Variants in INTS15 observed in about 807,000 individuals in gnomAD.
INTS15 encodes integrator complex subunit 15.
At chr7:6,596,221 A>G in the INTS15 span, among the ~76,000 whole-genome samples, 2 of 151,250 alleles carry the variant, frequency 1.3e-5, no homozygotes, top group South Asian at 4.2e-4. Context: ...ATGTCTGACT[A>G]ATTTTTGTAT....
At chr7:6,593,220 C>T in the INTS15 span, among the ~76,000 whole-genome samples, 4 of 152,076 alleles carry the variant, frequency 2.6e-5, no homozygotes, top group Non-Finnish European at 4.4e-5. Flanking sequence ...CTCTTTCCTT[C>T]TAGTGCAAGA....
At chr7:6,598,768 TGTGTGTGTGTGTGTGTGTA>T in the INTS15 span, among the ~76,000 whole-genome samples, 172 of 104,852 alleles carry the variant, frequency 1.6e-3, 1 homozygote, top group Middle Eastern at 9.3e-3. Flanking sequence ...TGTGTGTGTG[TGTGTGTGTGTGTGTGTGTA>T]TTTTTTTTTT....
chr7:6,591,797 G>T, the INTS15 span: 1 of 1,614,010 alleles, frequency 6.2e-7, no homozygotes. Flanking sequence ...AGCTTGTTGG[G>T]AAAACTGGTC....
the INTS15 span, chr7:6,590,619 C>T: frequency 8.7e-6 from 12 of 1,385,094 alleles, no homozygotes; most frequent in Non-Finnish European, 1.1e-5. Flanking sequence ...TGCAGCAGCC[C>T]CCAAACCCTT....
At chr7:6,605,005 T>G in the INTS15 span, among the ~76,000 whole-genome samples, 1 of 152,106 alleles carries the variant, frequency 6.6e-6, no homozygotes, top group Non-Finnish European at 1.5e-5. Context: ...TTTGTTTTGT[T>G]TTTTTGAGAC....
the INTS15 span, chr7:6,607,665 G>C: frequency 2.0e-6 from 3 of 1,507,964 alleles, no homozygotes; most frequent in Non-Finnish European, 2.7e-6. The surrounding 1 kb of genome is among the most constrained non-coding windows in gnomAD (Gnocchi z 6.0). Context: ...CAGCGCAGCA[G>C]AGAGCCGCAG....
At chr7:6,596,035 C>T in the INTS15 span, among the ~76,000 whole-genome samples, 1 of 141,992 alleles carries the variant, frequency 7.0e-6, no homozygotes, top group African/African-American at 2.7e-5. Context: ...AGCCTCCTGA[C>T]TATTTTTGAG....
chr7:6,602,213 C>T, the INTS15 span: 1 of 1,333,096 alleles, frequency 7.5e-7, no homozygotes, highest in South Asian at 1.3e-5. Context: ...CAGGGCGAGC[C>T]CCTTTGTCCT....
At chr7:6,599,892 G>A in the INTS15 span, 1 of 1,614,196 alleles carries the variant, frequency 6.2e-7, no homozygotes, top group Non-Finnish European at 8.5e-7. Context: ...GAGGACCCAA[G>A]GTTGATTCTC....
chr7:6,591,795 G>C, the INTS15 span: 3 of 1,614,132 alleles, frequency 1.9e-6, no homozygotes, highest in Non-Finnish European at 1.7e-6. Context: ...TGAGCTTGTT[G>C]GGAAAACTGG....
the INTS15 span, chr7:6,590,456 A>G: frequency 6.3e-7 from 1 of 1,594,056 alleles, no homozygotes; most frequent in Non-Finnish European, 8.5e-7. Flanking sequence ...GTGCCCAAGG[A>G]GCGCAGCGCG....
At chr7:6,593,170 C>T in the INTS15 span, among the ~76,000 whole-genome samples, 1 of 152,150 alleles carries the variant, frequency 6.6e-6, no homozygotes, top group Non-Finnish European at 1.5e-5. Context: ...GAACTGTCTT[C>T]GGCTTTGCGG....
the INTS15 span, chr7:6,600,376 A>C: frequency 1.1e-5 from 18 of 1,598,914 alleles, no homozygotes; most frequent in Admixed American, 1.7e-5. Context: ...TCCCTGGCCC[A>C]GGCCTCCTGG....
chr7:6,603,231 C>T, the INTS15 span, among the ~76,000 whole-genome samples: 22 of 151,126 alleles, frequency 1.5e-4, no homozygotes, highest in Non-Finnish European at 2.2e-4. Flanking sequence ...GCTTGGGCAA[C>T]AGAGTGAAAC....
chr7:6,597,462 T>C, the INTS15 span, among the ~76,000 whole-genome samples: 9 of 152,118 alleles, frequency 5.9e-5, no homozygotes, highest in Admixed American at 5.9e-4. Flanking sequence ...GCCTGGCTAA[T>C]TTTTGTATTT....
chr7:6,593,175 T>C, the INTS15 span, among the ~76,000 whole-genome samples: 6 of 152,278 alleles, frequency 3.9e-5, no homozygotes, highest in African/African-American at 1.4e-4. Context: ...GTCTTCGGCT[T>C]TGCGGGTCCT....
the INTS15 span, chr7:6,590,177 C>A: frequency 9.9e-7 from 1 of 1,013,492 alleles, no homozygotes; most frequent in Non-Finnish European, 1.3e-6. Context: ...GCGGGTGCCG[C>A]AGCCCAGGCC....
the INTS15 span, among the ~76,000 whole-genome samples, chr7:6,595,837 C>G: frequency 6.6e-6 from 1 of 152,142 alleles, no homozygotes; most frequent in Non-Finnish European, 1.5e-5. Context: ...CACACACTAC[C>G]AGGCCTGGCT....
chr7:6,607,400 C>A, the INTS15 span: 1 of 501,342 alleles, frequency 2.0e-6, no homozygotes, highest in African/African-American at 2.1e-5. The surrounding 1 kb of genome is among the most constrained non-coding windows in gnomAD (Gnocchi z 6.0). Flanking sequence ...GGGGTGGGTG[C>A]CCAAGAGTGG....
Sources: gnomAD v4.1 joint callset for allele counts (sites outside exome capture counted in the v4.1 genomes callset) on GRCh38, gnomAD v4.1.1 for gene constraint, Gnocchi (gnomAD v3.1) non-coding constraint, MANE v1.5 for transcripts, NCBI Gene and HGNC (gene_info 2026-07-23, HGNC 2026-07-21) for gene names.